The following SLBP variants were observed in gnomAD, a reference collection of about 807,000 sequenced individuals.
SLBP encodes stem-loop histone mRNA binding protein.
A neutral mutation model predicts 39.2 loss-of-function variants in SLBP; 29 were observed. That is an observed-to-expected ratio of 0.74 (90% CI 0.55 to 1.01). SLBP has a LOEUF of 1.01. SLBP is among the 50% of genes least tolerant of loss of function. The pLI, the probability that SLBP is intolerant of heterozygous loss-of-function variation, is 0.00. For missense variants in SLBP, 390 were observed against 350.2 expected (o/e 1.11, Z -0.91); for synonymous variants, 129 against 118.7 (o/e 1.09, Z -0.57).
chr4:1,697,937 G>C (rs1716176096), intron 5 of SLBP, among the ~76,000 whole-genome samples: 1 of 151,940 alleles, frequency 6.6e-6, no homozygotes, highest in Non-Finnish European at 1.5e-5. Flanking sequence ...ACCAGCCTGG[G>C]CGACATAGGG....
At chr4:1,708,380 C>T (rs931010638) in intron 2 of SLBP, among the ~76,000 whole-genome samples, 2 of 152,200 alleles carry the variant, frequency 1.3e-5, no homozygotes, top group African/African-American at 2.4e-5. Context: ...ATTATCATTT[C>T]TTCCCTTACA....
intron 2 of SLBP, among the ~76,000 whole-genome samples, chr4:1,709,477 G>C (rs1366722112): frequency 6.6e-6 from 1 of 152,206 alleles, no homozygotes; most frequent in African/African-American, 2.4e-5. Flanking sequence ...CAGGCTCCTA[G>C]TTAAGCCCGC....
intron 2 of SLBP, among the ~76,000 whole-genome samples, chr4:1,708,964 C>A (rs1174456111): frequency 6.6e-6 from 1 of 152,186 alleles, no homozygotes; most frequent in Non-Finnish European, 1.5e-5. Context: ...TAAATGAGAC[C>A]ACTGGAGAGT....
chr4:1,707,493 A>C lies in SLBP; in HGVS notation c.177-3793T>G, dbSNP rs116408524. Among the ~76,000 whole-genome samples the C allele has an allele frequency of 5.2e-3, 788 of 151,676 alleles. 17 individuals carry two copies. Among genetic ancestry groups the C allele is most frequent in the African/African-American group, 0.018 (749 of 41,352 alleles). On this transcript the variant is annotated intron_variant, in intron 2 of 7. Transcript: ENST00000489418. ...CGAGATTCCATCTAAAAAAAATAAT[A>C]ATTAAAATTTAAAAAATAATAATCA...
At position 1,711,984 on chromosome 4, in the gene SLBP, C is replaced by T; in HGVS notation, c.66G>A (p.Pro22=). ...QSRCDGDASP[P]SPARWSLGRK... ...GTCCCAGGCTCCATCGCGCGGGGGACGGCGGGCTGCGGGGAGGGACGCGGT... is the reference window on the plus strand; with the variant it reads ...GTCCCAGGCTCCATCGCGCGGGGGATGGCGGGCTGCGGGGAGGGACGCGGT... Residue 22 remains proline (P), a synonymous_variant, in exon 2 of 8, where the codon CCG becomes CCA. Transcript: ENST00000489418. 1.5e-6 allele frequency: 2 copies of T among 1,292,400 alleles called. No homozygotes were observed. Among genetic ancestry groups the T allele is most frequent in the Non-Finnish European group, 2.0e-6 (2 of 1,019,958 alleles). 80.1% of individuals were successfully genotyped at this position (1,292,400 alleles called of 1,614,324 possible).
chr4:1,706,700 G>A (rs1287248172), intron 2 of SLBP, among the ~76,000 whole-genome samples: 1 of 152,180 alleles, frequency 6.6e-6, no homozygotes, highest in Non-Finnish European at 1.5e-5. Flanking sequence ...CAGCTACTAG[G>A]GAGGCTGAGG....
At position 1,695,314 on chromosome 4, in the gene SLBP, G is replaced by A. The variant is rs141548706; in HGVS notation, c.630-474C>T. Among the ~76,000 whole-genome samples the A allele has an allele frequency of 6.3e-3, 957 of 152,316 alleles. 2 individuals carry two copies. The highest frequency in any genetic ancestry group is 0.011 in the Non-Finnish European group (764 of 68,028). ...CTCTAAAAAATTTCCCAGCACAGAG[G>A]AGAAACTCTAATTGTTTGTTTAAAG... On this transcript the variant is annotated intron_variant, in intron 6 of 7. Transcript: ENST00000489418.
At position 1,693,672 on chromosome 4, in the gene SLBP, G is replaced by A; in HGVS notation, c.738C>T (p.Asp246=). 1 of 1,613,782 alleles carries A rather than the reference G, an allele frequency of 6.2e-7. No homozygotes were observed. Among genetic ancestry groups the A allele is most frequent in the Admixed American group, 1.7e-5 (1 of 60,010 alleles). The change falls in exon 8 of 8, where the codon GAC becomes GAT. Residue 246 remains aspartate (D), a synonymous_variant. Transcript: ENST00000489418. ...SGTPTKVRHM[D]SQVEDEFDLE... Reference sequence around the variant, plus strand: ...AATCAAACTCATCCTCCACTTGACTGTCCATGTGTCTCACCTTGGTGGGTG... The same window carrying A: ...AATCAAACTCATCCTCCACTTGACTATCCATGTGTCTCACCTTGGTGGGTG...
In SLBP at chr4:1,712,199, G is replaced by A. The variant is rs1214581383; in HGVS notation, c.-11C>T. 4 of 1,248,936 alleles carry A rather than the reference G, an allele frequency of 3.2e-6. No individual in the cohort carries two copies. The highest frequency in any genetic ancestry group is 4.3e-5 in the Admixed American group (1 of 23,160). The allele number at this position is 1,248,936 out of a possible 1,614,324, so 77.4% of individuals were successfully genotyped here. On this transcript the variant is annotated 5_prime_UTR_variant, in exon 1 of 8. Coordinates refer to ENST00000489418, the MANE Select transcript of SLBP (RefSeq NM_006527.4). ...CGGGCGGCAGGCCATGGCAGCACGG[G>A]CCGGGCGCGCAGCGCAGGGCCGAGG...
chr4:1,697,158 TAAAAAAAAAAAAA>T (rs59715153), intron 5 of SLBP, among the ~76,000 whole-genome samples: 17 of 32,782 alleles, frequency 5.2e-4, no homozygotes, highest in South Asian at 1.3e-3. Context: ...GACTCCACCT[TAAAAAAAAAAAAA>T]AAAAAAAAAA....
chr4:1,699,944 C>T, intron 4 of SLBP, 67 bp downstream of exon 4: 1 of 1,136,240 alleles, frequency 8.8e-7, no homozygotes. Context: ...CTGACAGTCA[C>T]AATTTTTTTT....
rs1476169412 is a variant in SLBP at position 1,693,295 on chromosome 4, T to A, written c.*302A>T. 1 of 254,290 alleles carries A rather than the reference T, an allele frequency of 3.9e-6. No individual in the cohort carries two copies. The highest frequency in any genetic ancestry group is 2.2e-5 in the African/African-American group (1 of 44,804). 15.8% of individuals were successfully genotyped at this position (254,290 alleles called of 1,614,324 possible). A position where few individuals can be genotyped will look rare whatever the true frequency, so the allele number is the denominator to read the frequency against. Reference sequence around the variant, plus strand: ...ACTGAAGATGCCTGTGGAAAACCAGTTATGTAGACGTGTCAGCTTACCCTG... The same window carrying A: ...ACTGAAGATGCCTGTGGAAAACCAGATATGTAGACGTGTCAGCTTACCCTG... On this transcript the variant is annotated 3_prime_UTR_variant, in exon 8 of 8. Coordinates refer to ENST00000489418, the MANE Select transcript of SLBP (RefSeq NM_006527.4).
At position 1,693,327 on chromosome 4, in the gene SLBP, A is replaced by G. The variant is rs923146184; in HGVS notation, c.*270T>C. The stretch of plus-strand genomic sequence containing the variant: ...GACGTGTCAGCTTACCCTGGAGGAC[A>G]ACAGGGATTACGCAATTAAGCTCGC... On this transcript the variant is annotated 3_prime_UTR_variant, in exon 8 of 8. Coordinates refer to ENST00000489418, the MANE Select transcript of SLBP (RefSeq NM_006527.4). 1.8e-5 allele frequency: 6 copies of G among 342,084 alleles called. No homozygotes were observed. The highest frequency in any genetic ancestry group is 4.2e-5 in the African/African-American group (2 of 47,638). 21.2% of individuals were successfully genotyped at this position (342,084 alleles called of 1,614,324 possible). A position where few individuals can be genotyped will look rare whatever the true frequency, so the allele number is the denominator to read the frequency against.
At chr4:1,701,149 T>TC (rs1553819357) in intron 3 of SLBP, among the ~76,000 whole-genome samples, 8 of 146,762 alleles carry the variant, frequency 5.5e-5, no homozygotes, top group African/African-American at 1.5e-4. Context: ...TTTTTTTCTT[T>TC]TTTTTTTTTT....
intron 2 of SLBP, among the ~76,000 whole-genome samples, chr4:1,707,761 A>G (rs1428516119): frequency 6.6e-6 from 1 of 152,110 alleles, no homozygotes; most frequent in East Asian, 1.9e-4. Context: ...CCTGGCCAAC[A>G]TGATGAAACC....
intron 5 of SLBP, among the ~76,000 whole-genome samples, chr4:1,696,559 G>A (rs1168534955): frequency 6.6e-6 from 1 of 152,008 alleles, no homozygotes; most frequent in Non-Finnish European, 1.5e-5. Context: ...GGGCAACACA[G>A]TGAGACCTCG....
chr4:1,697,473 TA>T (rs1336286878), intron 5 of SLBP, among the ~76,000 whole-genome samples: 3 of 150,536 alleles, frequency 2.0e-5, no homozygotes, highest in African/African-American at 7.3e-5. Flanking sequence ...GTCTCAAAAA[TA>T]AATAAATAAA....
chr4:1,697,362 G>A lies in SLBP; in HGVS notation c.480-1011C>T, dbSNP rs184250426. On this transcript the variant is annotated intron_variant, in intron 5 of 7. Coordinates refer to ENST00000489418, the MANE Select transcript of SLBP (RefSeq NM_006527.4). ...TAGACACCTGTAATCCCAGCTACTC[G>A]GGAGGCTGAGGCAGGAGAATCACTT... 4.3e-3 allele frequency among the ~76,000 whole-genome samples: 651 copies of A among 151,584 alleles called. 3 individuals are homozygous for A. Among genetic ancestry groups the A allele is most frequent in the African/African-American group, 0.015 (628 of 41,332 alleles).
chr4:1,698,952 G>A (rs1312758457), intron 5 of SLBP, among the ~76,000 whole-genome samples: 1 of 151,770 alleles, frequency 6.6e-6, no homozygotes, highest in Admixed American at 6.6e-5. Flanking sequence ...ACCACACCTG[G>A]CTAATTTTTA....
Sources: allele counts gnomAD v4.1 joint callset (sites outside exome capture counted in the v4.1 genomes callset), GRCh38; gene constraint gnomAD v4.1.1; transcripts MANE v1.5; gene names NCBI Gene and HGNC (gene_info 2026-07-23, HGNC 2026-07-21).